PALLD: variants seen among roughly 807,000 people sequenced by gnomAD.
PALLD encodes the protein palladin, cytoskeletal associated protein, also known as palladin.
A neutral mutation model predicts 123.5 loss-of-function variants in PALLD; 61 were observed. That is an observed-to-expected ratio of 0.49 (90% confidence interval 0.40 to 0.61). The LOEUF (loss-of-function observed/expected upper bound fraction) is 0.61, where lower values mean the gene tolerates loss of function less well. Among genes scored for constraint, PALLD ranks in the 20% least tolerant of loss-of-function variants. The probability of loss-of-function intolerance (pLI) is 0.00; values close to 1 mark genes in which losing one functional copy is unlikely to be tolerated. For missense variants in PALLD, 1,273 were observed against 1,377.0 expected (o/e 0.92, Z 1.20); for synonymous variants, 465 against 496.4 (o/e 0.94, Z 0.84).
At chr4:168,874,467 T>C (rs1286468713) in intron 10 of PALLD, among the ~76,000 whole-genome samples, 2 of 152,198 alleles carry the variant, frequency 1.3e-5, no homozygotes, top group Non-Finnish European at 2.9e-5. Flanking sequence ...TTTTCTATAA[T>C]GTATGAGGGG....
chr4:168,655,324 A>ATATTTGTG (rs2149940547), intron 2 of PALLD, among the ~76,000 whole-genome samples: 1 of 152,358 alleles, frequency 6.6e-6, no homozygotes, highest in South Asian at 2.1e-4. Flanking sequence ...ATTTCTGTAC[A>ATATTTGTG]TACAATTATT....
At chr4:168,920,172 G>A (rs1761150258) in intron 17 of PALLD, among the ~76,000 whole-genome samples, 1 of 152,220 alleles carries the variant, frequency 6.6e-6, no homozygotes. Context: ...AAACAGGTCA[G>A]GCAGTGTACA....
intron 10 of PALLD, among the ~76,000 whole-genome samples, chr4:168,777,402 A>C (rs1296478570): frequency 2.0e-5 from 3 of 152,144 alleles, no homozygotes; most frequent in Admixed American, 2.0e-4. Flanking sequence ...AAATAGAATC[A>C]CTGCCCCAAG....
intron 2 of PALLD, 52 bp from the exon 3 acceptor site, chr4:168,668,138 T>G: frequency 7.1e-7 from 1 of 1,409,508 alleles, no homozygotes. Context: ...GTTTTAAACA[T>G]CACCATTTCC....
chr4:168,719,830 A>G (rs919093169), intron 10 of PALLD, among the ~76,000 whole-genome samples: 1 of 151,984 alleles, frequency 6.6e-6, no homozygotes, highest in Non-Finnish European at 1.5e-5. Context: ...AATATGTGGT[A>G]TTTGTTTTTC....
intron 2 of PALLD, among the ~76,000 whole-genome samples, chr4:168,567,746 A>G (rs1283767447): frequency 1.3e-5 from 2 of 151,926 alleles, no homozygotes; most frequent in Non-Finnish European, 2.9e-5. Flanking sequence ...GAGCTAAACA[A>G]TCTGTACACA....
chr4:168,903,530 T>C (rs1202021961), intron 14 of PALLD, among the ~76,000 whole-genome samples: 1 of 152,178 alleles, frequency 6.6e-6, no homozygotes, highest in East Asian at 1.9e-4. Context: ...AAGTGCAATA[T>C]TTTTAAAAAC....
At chr4:168,707,410 C>T (rs529837633) in intron 8 of PALLD, among the ~76,000 whole-genome samples, 88 of 152,252 alleles carry the variant, frequency 5.8e-4, no homozygotes, top group Non-Finnish European at 1.2e-3. Context: ...GCCAGGATGA[C>T]GAGGAACGAG....
intron 2 of PALLD, among the ~76,000 whole-genome samples, chr4:168,529,214 G>A (rs555991981): frequency 1.3e-5 from 2 of 152,044 alleles, no homozygotes; most frequent in Non-Finnish European, 2.9e-5. Context: ...GCACATCCCT[G>A]TAATCCCAGC....
At chr4:168,681,739 G>A (rs570300848) in intron 4 of PALLD, among the ~76,000 whole-genome samples, 83 of 151,712 alleles carry the variant, frequency 5.5e-4, no homozygotes, top group Middle Eastern at 3.4e-3. Flanking sequence ...GTAGAGATGG[G>A]GTCTCACTGT....
At chr4:168,604,212 G>A (rs1263291133) in intron 2 of PALLD, among the ~76,000 whole-genome samples, 2 of 152,114 alleles carry the variant, frequency 1.3e-5, no homozygotes, top group African/African-American at 4.8e-5. Context: ...AAACCAAGAA[G>A]GACAAAAAGA....
intron 10 of PALLD, among the ~76,000 whole-genome samples, chr4:168,779,464 T>C (rs1022836311): frequency 3.3e-5 from 5 of 151,588 alleles, no homozygotes; most frequent in African/African-American, 1.2e-4. Context: ...AGCTTAGACA[T>C]ATAAACTTCA....
At chr4:168,672,737 C>T (rs1017144169) in intron 3 of PALLD, among the ~76,000 whole-genome samples, 5 of 152,156 alleles carry the variant, frequency 3.3e-5, no homozygotes, top group Non-Finnish European at 5.9e-5. Flanking sequence ...GGATTACAGG[C>T]GTGAGCCACC....
intron 10 of PALLD, 160 bp downstream of exon 10, chr4:168,712,083 C>T (rs1035211538): frequency 1.5e-6 from 1 of 659,214 alleles, no homozygotes; most frequent in South Asian, 1.7e-5. Context: ...ATAAAAGACA[C>T]CTAAAAATAA....
At chr4:168,884,905 G>A (rs1482862212) in intron 10 of PALLD, among the ~76,000 whole-genome samples, 2 of 152,124 alleles carry the variant, frequency 1.3e-5, no homozygotes, top group African/African-American at 4.8e-5. Context: ...GTACACATTA[G>A]TTCATGTAGT....
Position 168,926,571 on chromosome 4 carries a change from A to T in PALLD, c.*391A>T. ...GTTTAAGTAGATAATGCTAATACAA[A>T]TATACACATTGCACAGAAAATACAC... On this transcript the variant is annotated 3_prime_UTR_variant, in exon 22 of 22. Coordinates refer to ENST00000505667, the MANE Select transcript of PALLD (RefSeq NM_001166108.2). The T allele has an allele frequency of 1.9e-6, 1 of 525,346 alleles. No individual in the cohort carries two copies. Among genetic ancestry groups the T allele is most frequent in the Non-Finnish European group, 3.4e-6 (1 of 298,228 alleles). 32.5% of individuals were successfully genotyped at this position (525,346 alleles called of 1,614,324 possible).
At chr4:168,503,783 G>A (rs775345574) in intron 1 of PALLD, among the ~76,000 whole-genome samples, 2 of 152,230 alleles carry the variant, frequency 1.3e-5, no homozygotes. Flanking sequence ...AGGCCTGAGT[G>A]CATGTGTGTT....
chr4:168,878,399 G>A, intron 10 of PALLD: 1 of 1,481,046 alleles, frequency 6.8e-7, no homozygotes, highest in Non-Finnish European at 8.9e-7. Flanking sequence ...CCCCGCGTGA[G>A]TAACCGCCGC....
At chr4:168,920,075 C>T (rs1293351010) in intron 17 of PALLD, among the ~76,000 whole-genome samples, 2 of 152,118 alleles carry the variant, frequency 1.3e-5, no homozygotes, top group African/African-American at 4.8e-5. Flanking sequence ...ACAAGCAGTG[C>T]CGCTTTGTTT....
Sources: allele counts gnomAD v4.1 joint callset (sites outside exome capture counted in the v4.1 genomes callset), GRCh38; gene constraint gnomAD v4.1.1; transcripts MANE v1.5; gene names NCBI Gene and HGNC (gene_info 2026-07-23, HGNC 2026-07-21).